Variants in CACNA2D3 observed in about 807,000 individuals in gnomAD.
CACNA2D3 encodes voltage-dependent calcium channel subunit alpha-2/delta-3.
In CACNA2D3, 60 loss-of-function variants were observed where a neutral mutation model predicts 160.6. The observed-to-expected ratio is 0.37, with a 90% confidence interval of 0.30 to 0.46. The LOEUF (loss-of-function observed/expected upper bound fraction) is 0.46. Ranked by LOEUF, CACNA2D3 falls within the 20% of genes least tolerant of loss-of-function variation. CACNA2D3 has a pLI of 1.00. For synonymous variants in CACNA2D3, 558 were observed against 492.9 expected (o/e 1.13, Z -1.75); for missense variants, 1,205 against 1,365.0 (o/e 0.88, Z 1.85).
At chr3:54,618,375 G>GCACACACA (rs56788185) in intron 9 of CACNA2D3, among the ~76,000 whole-genome samples, 7,456 of 115,438 alleles carry the variant, frequency 0.065, 371 homozygotes, top group Middle Eastern at 0.1. Flanking sequence ...ATATATATAT[G>GCACACACA]CACACACACA....
At chr3:55,022,227 C>T (rs1477503914) in intron 35 of CACNA2D3, among the ~76,000 whole-genome samples, 1 of 152,016 alleles carries the variant, frequency 6.6e-6, no homozygotes, top group Non-Finnish European at 1.5e-5. Flanking sequence ...CCTCTTTATA[C>T]ATGAAAGTGC....
intron 4 of CACNA2D3, among the ~76,000 whole-genome samples, chr3:54,479,148 A>G (rs1434053656): frequency 1.3e-5 from 2 of 152,058 alleles, no homozygotes; most frequent in Non-Finnish European, 2.9e-5. Flanking sequence ...TGATGGTTTT[A>G]TAAGAAGCTT....
intron 27 of CACNA2D3, among the ~76,000 whole-genome samples, chr3:54,949,213 A>G (rs943942187): frequency 2.0e-5 from 3 of 152,226 alleles, no homozygotes; most frequent in Non-Finnish European, 4.4e-5. Flanking sequence ...ACTTTGGCAC[A>G]GGAGCATAGG....
Position 55,007,782 on chromosome 3 carries a change from C to T in CACNA2D3, c.2767-8C>T, listed in dbSNP as rs546673054. On this transcript the variant is annotated splice_region_variant and splice_polypyrimidine_tract_variant and intron_variant, in intron 32 of 37. Coordinates refer to ENST00000474759, the MANE Select transcript of CACNA2D3 (RefSeq NM_018398.3). ...ATTGTTTTTAATGAACTGAATTCTT[C>T]TCTTCAGCCTTATAATGCCTTCCTC... 1.4e-5 allele frequency: 21 copies of T among 1,543,750 alleles called. No individual in the cohort carries two copies. The African/African-American group carries it at 2.9e-4, about 21-fold the overall frequency.
intron 8 of CACNA2D3, among the ~76,000 whole-genome samples, chr3:54,573,939 C>T (rs11718890): frequency 0.012 from 1,806 of 152,252 alleles, 16 homozygotes; most frequent in Middle Eastern, 0.034. Flanking sequence ...GGTTTTCCCT[C>T]AGTCTGTTTA....
At chr3:54,141,274 G>A (rs1376890451) in intron 2 of CACNA2D3, among the ~76,000 whole-genome samples, 2 of 152,188 alleles carry the variant, frequency 1.3e-5, no homozygotes, top group South Asian at 2.1e-4. Flanking sequence ...CTAGGAAGTC[G>A]AAACAGCCCA....
At chr3:54,857,798 C>T (rs990574530) in intron 17 of CACNA2D3, among the ~76,000 whole-genome samples, 1 of 152,162 alleles carries the variant, frequency 6.6e-6, no homozygotes, top group Non-Finnish European at 1.5e-5. Context: ...TAGGCTTTTA[C>T]ATTAACACCA....
intron 2 of CACNA2D3, among the ~76,000 whole-genome samples, chr3:54,315,300 C>G (rs1319308172): frequency 2.0e-5 from 3 of 152,198 alleles, no homozygotes; most frequent in African/African-American, 7.2e-5. Flanking sequence ...GCTCACCCCG[C>G]AGAGGCCCTG....
At chr3:54,413,588 T>C (rs1699707008) in intron 4 of CACNA2D3, among the ~76,000 whole-genome samples, 1 of 151,506 alleles carries the variant, frequency 6.6e-6, no homozygotes, top group Non-Finnish European at 1.5e-5. Flanking sequence ...TTACATTGCT[T>C]AATATCCTCA....
chr3:54,929,050 C>A lies in CACNA2D3; in HGVS notation c.2449+29182C>A, dbSNP rs1701112003. 2.0e-5 allele frequency among the ~76,000 whole-genome samples: 3 copies of A among 152,146 alleles called. No individual in the cohort carries two copies. The South Asian group carries it at 6.2e-4, about 32-fold the overall frequency. ...AACTGTGTGTACGCTTTTATGGAAG[C>A]AGCATGAAGTGCAATCCTTGGCTCC... On this transcript the variant is annotated intron_variant, in intron 27 of 37. Transcript: ENST00000474759.
intron 5 of CACNA2D3, among the ~76,000 whole-genome samples, chr3:54,504,364 T>G (rs1458566710): frequency 1.3e-5 from 2 of 152,168 alleles, no homozygotes; most frequent in African/African-American, 2.4e-5. Context: ...TCAGACCGTG[T>G]TCTACTTCTT....
chr3:55,066,616 G>A (rs545955910), intron 35 of CACNA2D3, among the ~76,000 whole-genome samples: 6 of 152,234 alleles, frequency 3.9e-5, no homozygotes, highest in African/African-American at 1.2e-4. Context: ...GTCTTGTCAC[G>A]GGAGGCTGTC....
chr3:54,211,800 T>C (rs1162242882), intron 2 of CACNA2D3, among the ~76,000 whole-genome samples: 1 of 152,224 alleles, frequency 6.6e-6, no homozygotes, highest in African/African-American at 2.4e-5. Flanking sequence ...TTTAAAGATA[T>C]GTAAGAGTTA....
intron 2 of CACNA2D3, among the ~76,000 whole-genome samples, chr3:54,157,730 G>T (rs1484181329): frequency 6.6e-6 from 1 of 151,784 alleles, no homozygotes; most frequent in African/African-American, 2.4e-5. Context: ...GGCGGGGGTT[G>T]CAGCGAGCCG....
chr3:54,257,000 G>A (rs959441051), intron 2 of CACNA2D3, among the ~76,000 whole-genome samples: 21 of 152,170 alleles, frequency 1.4e-4, no homozygotes, highest in African/African-American at 4.8e-4. Context: ...GATTTTCAGG[G>A]TACAGTTAGC....
intron 4 of CACNA2D3, among the ~76,000 whole-genome samples, chr3:54,487,509 A>G (rs1402185025): frequency 6.6e-6 from 1 of 152,226 alleles, no homozygotes; most frequent in Non-Finnish European, 1.5e-5. Flanking sequence ...TATGAGGATA[A>G]GTGTGTCAAC....
At chr3:54,774,798 C>T (rs1459156528) in intron 13 of CACNA2D3, among the ~76,000 whole-genome samples, 1 of 151,844 alleles carries the variant, frequency 6.6e-6, no homozygotes, top group Non-Finnish European at 1.5e-5. Flanking sequence ...CCACACCTGG[C>T]TAACTTTTTG....
In CACNA2D3 at chr3:54,257,645, AT is replaced by A. The variant is rs539883825; in HGVS notation, c.205-62794del. On this transcript the variant is annotated intron_variant, in intron 2 of 37. Transcript: ENST00000474759. ...TAATTTTTTTTCATCTGAAAAGCTT[AT>A]TTGTGAAAGAGGGAGTTTGCTGGCC... Among the ~76,000 whole-genome samples, 180 of 152,236 alleles carry A rather than the reference AT, an allele frequency of 1.2e-3. 1 individual carries two copies. The highest frequency in any genetic ancestry group is 3.9e-3 in the African/African-American group (164 of 41,546).
intron 35 of CACNA2D3, among the ~76,000 whole-genome samples, chr3:55,069,831 G>T (rs1363033943): frequency 6.6e-6 from 1 of 152,166 alleles, no homozygotes; most frequent in African/African-American, 2.4e-5. Flanking sequence ...TAAGTTCTCA[G>T]ATTGTTTACA....
Sources: gnomAD v4.1 joint callset for allele counts (sites outside exome capture counted in the v4.1 genomes callset) on GRCh38, gnomAD v4.1.1 for gene constraint, MANE v1.5 for transcripts, NCBI Gene and HGNC (gene_info 2026-07-23, HGNC 2026-07-21) for gene names.